Variants in BAZ1B observed in about 807,000 individuals in gnomAD.
BAZ1B encodes the protein tyrosine-protein kinase BAZ1B.
In BAZ1B, 22 loss-of-function variants were observed where a neutral mutation model predicts 153.8. The observed-to-expected ratio is 0.14, with a 90% CI of 0.10 to 0.20. BAZ1B has a LOEUF of 0.20. BAZ1B is among the 10% of genes least tolerant of loss of function. The pLI, the probability that BAZ1B is intolerant of heterozygous loss-of-function variation, is 1.00. For missense variants in BAZ1B, 1,325 were observed against 1,799.3 expected, an observed-to-expected ratio of 0.74 and a Z score of 4.77; for synonymous variants, 676 against 633.4, an observed-to-expected ratio of 1.07 and a Z score of -1.01.
intron 5 of BAZ1B, among the ~76,000 whole-genome samples, chr7:73,491,254 C>T (rs1341980082): frequency 6.6e-6 from 1 of 151,966 alleles, no homozygotes; most frequent in Non-Finnish European, 1.5e-5. Flanking sequence ...CCATTGTACT[C>T]CCGCCTGAGC....
At chr7:73,467,389 A>C (rs2116304201) in intron 9 of BAZ1B, among the ~76,000 whole-genome samples, 1 of 151,874 alleles carries the variant, frequency 6.6e-6, no homozygotes, top group Non-Finnish European at 1.5e-5. Context: ...TAATTTTTTG[A>C]GACAGAATGT....
intron 9 of BAZ1B, 108 bp from the exon 10 acceptor site, chr7:73,466,509 C>T: frequency 1.5e-6 from 1 of 673,608 alleles, no homozygotes; most frequent in Non-Finnish European, 2.6e-6. Context: ...AACACAGATA[C>T]TTCCTGTGAA....
At chr7:73,451,524 C>T (rs1290490459) in intron 13 of BAZ1B, among the ~76,000 whole-genome samples, 1 of 152,188 alleles carries the variant, frequency 6.6e-6, no homozygotes, top group African/African-American at 2.4e-5. Flanking sequence ...AAGTGGGGTA[C>T]TAAACAGACT....
chr7:73,495,152 G>A (rs960110351), intron 4 of BAZ1B, among the ~76,000 whole-genome samples: 11 of 152,136 alleles, frequency 7.2e-5, no homozygotes, highest in East Asian at 3.9e-4. Flanking sequence ...TTGTGGTAGC[G>A]TGCTCCCATA....
At chr7:73,442,136 T>TACCCACCC in intron 19 of BAZ1B, 45 bp downstream of exon 19, 1 of 573,492 alleles carries the variant, frequency 1.7e-6, no homozygotes. Flanking sequence ...CTCGCTCGCC[T>TACCCACCC]CCCTCCCACC....
intron 9 of BAZ1B, among the ~76,000 whole-genome samples, chr7:73,467,768 C>A (rs185629499): frequency 6.6e-6 from 1 of 152,274 alleles, no homozygotes. Context: ...TCTGGCTCCC[C>A]AATCTTGTCT....
In BAZ1B at chr7:73,510,798, A is replaced by G. The variant is rs568504389; in HGVS notation, c.162T>C (p.Ser54=). 6.2e-7 allele frequency: 1 copy of G among 1,614,016 alleles called. No individual in the cohort carries two copies. The highest frequency in any genetic ancestry group is 1.1e-5 in the South Asian group (1 of 91,078). The change falls in exon 2 of 20, where the codon AGT becomes AGC. Residue 54 remains serine, a synonymous_variant. Transcript: ENST00000339594. ...TGTGTGTTAGCTGACTGCTTCCAGT[A>G]CTCTTGCACGTCCAAATGCGCTCAC... ...RYSERIWTCK[S]TGSSQLTHKE...
chr7:73,498,406 C>T (rs1199746315), intron 4 of BAZ1B, 91 bp downstream of exon 4: 3 of 1,221,582 alleles, frequency 2.5e-6, no homozygotes, highest in African/African-American at 1.5e-5. Context: ...AAAAATCACA[C>T]ATTTAGTTGC....
At chr7:73,465,729 G>C (rs908797096) in intron 10 of BAZ1B, among the ~76,000 whole-genome samples, 192 bp from the exon 11 acceptor site, 1 of 152,048 alleles carries the variant, frequency 6.6e-6, no homozygotes, top group African/African-American at 2.4e-5. Context: ...TCTGTACTAG[G>C]ACACCAGAGC....
chr7:73,472,204 G>A (rs781523676), intron 7 of BAZ1B, among the ~76,000 whole-genome samples: 9 of 151,980 alleles, frequency 5.9e-5, no homozygotes, highest in African/African-American at 1.9e-4. Context: ...AGATAAAATA[G>A]AGCTGAAGGT....
chr7:73,494,762 C>T (rs1554576190), intron 4 of BAZ1B, among the ~76,000 whole-genome samples: 1 of 152,090 alleles, frequency 6.6e-6, no homozygotes. Flanking sequence ...AATAAACAAA[C>T]ATCTGAACTA....
chr7:73,487,708 CTG>C (rs1203145269), intron 6 of BAZ1B, among the ~76,000 whole-genome samples: 4 of 152,162 alleles, frequency 2.6e-5, no homozygotes, highest in African/African-American at 9.6e-5. Context: ...GTTCCAAACT[CTG>C]TGGCAACAAA....
intron 12 of BAZ1B, among the ~76,000 whole-genome samples, chr7:73,462,232 T>G (rs145073289): frequency 6.6e-6 from 1 of 152,266 alleles, no homozygotes; most frequent in East Asian, 1.9e-4. Context: ...GGGGACTTCA[T>G]TTCTTTAAAA....
rs781861600 is a variant in BAZ1B at position 73,478,329 on chromosome 7, G to A, written c.1132C>T (p.Leu378=). 6.2e-7 allele frequency: 1 copy of A among 1,613,932 alleles called. No individual in the cohort carries two copies. The highest frequency in any genetic ancestry group is 1.7e-5 in the Admixed American group (1 of 59,948). The change falls in exon 7 of 20, where the codon CTG becomes TTG. Residue 378 remains leucine, a synonymous_variant. Coordinates refer to ENST00000339594, the MANE Select transcript of BAZ1B (RefSeq NM_032408.4). ...EMMKMMSPNK[L]HTNFHIPKKG... is the part of the protein sequence containing the mutation. ...TTAGGAATGTGAAAGTTAGTGTGCA[G>A]CTTATTGGGCGACATCATCTTCATC...
chr7:73,493,994 T>C (rs1789767401), intron 4 of BAZ1B, among the ~76,000 whole-genome samples: 1 of 152,178 alleles, frequency 6.6e-6, no homozygotes, highest in African/African-American at 2.4e-5. Context: ...GGGCCTTGTA[T>C]ACCATTTAAA....
chr7:73,459,246 CAA>C (rs782368597), intron 13 of BAZ1B, among the ~76,000 whole-genome samples: 2 of 101,676 alleles, frequency 2.0e-5, no homozygotes, highest in Non-Finnish European at 4.1e-5. Flanking sequence ...GACTCCATCT[CAA>C]AAAAAAAAAA....
rs71517390 is a variant in BAZ1B at position 73,516,772 on chromosome 7, C to CA, written c.107+5054dup. The stretch of plus-strand genomic sequence containing the variant: ...CCTGGGCGACAGACTGTGACTGTCT[C>CA]AAAAAAAAAAAAAAAAAAAAAAAAA... On this transcript the variant is annotated intron_variant, in intron 1 of 19. Coordinates refer to ENST00000339594, the MANE Select transcript of BAZ1B (RefSeq NM_032408.4). Among the ~76,000 whole-genome samples the CA allele has an allele frequency of 3.6e-3, 194 of 53,458 alleles. 9 individuals carry two copies. Among genetic ancestry groups the CA allele is most frequent in the Middle Eastern group, 0.018 (1 of 56 alleles). The allele number at this position is 53,458 out of a possible 152,430, so 35.1% of individuals were successfully genotyped here. A position where few individuals can be genotyped will look rare whatever the true frequency, so the allele number is the denominator to read the frequency against.
Position 73,471,310 on chromosome 7 carries a change from A to G in BAZ1B, c.2594-827T>C, listed in dbSNP as rs188411598. On this transcript the variant is annotated intron_variant, in intron 7 of 19. Transcript: ENST00000339594. The stretch of plus-strand genomic sequence containing the variant: ...GTGGATAATAATTATTTTACATTGA[A>G]CACCTATTTTTCTAATTATTCTGCA... Among the ~76,000 whole-genome samples the G allele has an allele frequency of 4.5e-3, 687 of 152,364 alleles. 6 individuals are homozygous for G. The highest frequency in any genetic ancestry group is 8.2e-3 in the Admixed American group (126 of 15,298).
intron 13 of BAZ1B, among the ~76,000 whole-genome samples, chr7:73,456,392 T>A (rs569758777): frequency 6.6e-6 from 1 of 152,166 alleles, no homozygotes; most frequent in African/African-American, 2.4e-5. Context: ...GAGAATATAT[T>A]TGCAAATCAT....
Sources: allele counts gnomAD v4.1 joint callset (sites outside exome capture counted in the v4.1 genomes callset), GRCh38; gene constraint gnomAD v4.1.1; transcripts MANE v1.5; gene names NCBI Gene and HGNC (gene_info 2026-07-23, HGNC 2026-07-21).